The following ZDHHC21 variants were observed in gnomAD, a reference collection of about 807,000 sequenced individuals.
ZDHHC21 encodes the protein zDHHC palmitoyltransferase 21, also known as palmitoyltransferase ZDHHC21.
A neutral mutation model predicts 34.6 loss-of-function variants in ZDHHC21; 15 were observed. The ratio of observed to expected loss-of-function variants is 0.43; its 90% confidence interval spans 0.29 to 0.67. The LOEUF (loss-of-function observed/expected upper bound fraction) is 0.67, where lower values mean the gene tolerates loss of function less well. Among genes scored for constraint, ZDHHC21 ranks in the 30% least tolerant of loss-of-function variants. The probability of loss-of-function intolerance (pLI) is 0.14; values close to 1 mark genes in which losing one functional copy is unlikely to be tolerated. For synonymous variants in ZDHHC21, 142 were observed against 101.8 expected, an observed-to-expected ratio of 1.40 and a Z score of -2.38; for missense variants, 344 against 327.7, an observed-to-expected ratio of 1.05 and a Z score of -0.38.
intron 7 of ZDHHC21, among the ~76,000 whole-genome samples, chr9:14,651,081 T>G (rs1304918960): frequency 6.6e-5 from 10 of 151,936 alleles, no homozygotes; most frequent in African/African-American, 2.4e-4. Context: ...ATTATTTTTT[T>G]AAAAACCTTG....
chr9:14,639,840 A>G (rs1221176196), intron 8 of ZDHHC21, 56 bp downstream of exon 8: 2 of 1,037,280 alleles, frequency 1.9e-6, no homozygotes, highest in Non-Finnish European at 2.7e-6. Context: ...TGAGAATTAC[A>G]TTCATAATTA....
chr9:14,657,987 A>T (rs17287927), intron 7 of ZDHHC21, among the ~76,000 whole-genome samples: 9,258 of 152,234 alleles, frequency 0.061, 336 homozygotes, highest in Admixed American at 0.12. Flanking sequence ...TAGTCCTAGC[A>T]TGCATTATAT....
intron 7 of ZDHHC21, among the ~76,000 whole-genome samples, chr9:14,658,314 A>G (rs1030957154): frequency 4.0e-5 from 6 of 151,458 alleles, no homozygotes; most frequent in African/African-American, 1.2e-4. Flanking sequence ...CAATCCCAAT[A>G]TAGTTCAAAA....
At chr9:14,652,321 A>AT (rs1831378644) in intron 7 of ZDHHC21, among the ~76,000 whole-genome samples, 1 of 151,898 alleles carries the variant, frequency 6.6e-6, no homozygotes, top group Non-Finnish European at 1.5e-5. Context: ...ATATAAATCA[A>AT]TATCTATAGC....
the ZDHHC21 span, among the ~76,000 whole-genome samples, chr9:14,602,485 T>G: frequency 6.6e-6 from 1 of 151,354 alleles, no homozygotes; most frequent in Middle Eastern, 3.2e-3. Context: ...CAAAGTGCAG[T>G]GATTCCCAAG....
intron 7 of ZDHHC21, among the ~76,000 whole-genome samples, chr9:14,653,732 T>C (rs1831670779): frequency 6.6e-6 from 1 of 152,020 alleles, no homozygotes; most frequent in Non-Finnish European, 1.5e-5. Flanking sequence ...TAGACTATGA[T>C]GTGAGTGTTG....
rs944512845 is a variant in ZDHHC21 at position 14,611,877 on chromosome 9, T to A, written c.*7089A>T. On this transcript the variant is annotated 3_prime_UTR_variant, in exon 10 of 10. Transcript: ENST00000380916. ...TTACTTTTGTATCATTTAGTTGCTT[T>A]ATTCTTACATATATGAAGTAGAATT... 2 of 152,058 alleles carry A rather than the reference T, an allele frequency of 1.3e-5. No individual in the cohort carries two copies. The highest frequency in any genetic ancestry group is 2.9e-5 in the Non-Finnish European group (2 of 67,962). The allele number at this position is 152,058 out of a possible 1,614,324, so 9.4% of individuals were successfully genotyped here. A position where few individuals can be genotyped will look rare whatever the true frequency, so the allele number is the denominator to read the frequency against.
chr9:14,658,122 C>A (rs1303312991), intron 7 of ZDHHC21, among the ~76,000 whole-genome samples: 2 of 152,086 alleles, frequency 1.3e-5, no homozygotes, highest in African/African-American at 2.4e-5. Flanking sequence ...AAATTACATT[C>A]TGCATTTTTA....
At chr9:14,642,153 G>A (rs577864323) in intron 7 of ZDHHC21, among the ~76,000 whole-genome samples, 1 of 152,030 alleles carries the variant, frequency 6.6e-6, no homozygotes, top group East Asian at 1.9e-4. Context: ...TATATTTAAA[G>A]TATTTATGTA....
intron 5 of ZDHHC21, among the ~76,000 whole-genome samples, chr9:14,665,718 T>C (rs1243426604): frequency 1.4e-5 from 2 of 142,656 alleles, no homozygotes; most frequent in African/African-American, 5.2e-5. Context: ...AAAAGAATTT[T>C]CAACCCAGAA....
downstream of ZDHHC21, among the ~76,000 whole-genome samples, chr9:14,606,969 A>T (rs1112968): frequency 0.54 from 81,256 of 151,652 alleles, 22,061 homozygotes; most frequent in South Asian, 0.68. Context: ...ATTAAAAATA[A>T]GTACATCCTC....
chr9:14,651,102 T>C (rs1383595576), intron 7 of ZDHHC21, among the ~76,000 whole-genome samples: 1 of 151,896 alleles, frequency 6.6e-6, no homozygotes, highest in Non-Finnish European at 1.5e-5. Context: ...TATTTTCTCA[T>C]GTAGAGAAAT....
intron 3 of ZDHHC21, among the ~76,000 whole-genome samples, chr9:14,678,535 G>A (rs905846728): frequency 1.3e-5 from 2 of 151,994 alleles, no homozygotes; most frequent in African/African-American, 2.4e-5. Context: ...AATGTTAAGA[G>A]GGCACAGAAA....
chr9:14,595,456 A>C, the ZDHHC21 span, among the ~76,000 whole-genome samples: 1 of 152,210 alleles, frequency 6.6e-6, no homozygotes, highest in East Asian at 1.9e-4. Flanking sequence ...TGCCTAGAAA[A>C]ATCAAATCTA....
chr9:14,687,830 T>C (rs1430258202), intron 2 of ZDHHC21, among the ~76,000 whole-genome samples: 1 of 151,008 alleles, frequency 6.6e-6, no homozygotes, highest in African/African-American at 2.5e-5. Context: ...ATTTACAAGC[T>C]AAGTTTTCAA....
At chr9:14,593,310 A>G in the ZDHHC21 span, among the ~76,000 whole-genome samples, 1 of 152,210 alleles carries the variant, frequency 6.6e-6, no homozygotes. Flanking sequence ...GAAAGAGAGG[A>G]CATCACTACT....
At chr9:14,592,585 C>T in the ZDHHC21 span, among the ~76,000 whole-genome samples, 53 of 152,144 alleles carry the variant, frequency 3.5e-4, no homozygotes, top group Admixed American at 3.5e-3. Flanking sequence ...TTTCAATACC[C>T]CATTCTCAAT....
At chr9:14,680,636 T>TA (rs1205355481) in intron 2 of ZDHHC21, among the ~76,000 whole-genome samples, 2 of 152,122 alleles carry the variant, frequency 1.3e-5, no homozygotes, top group Non-Finnish European at 2.9e-5. Flanking sequence ...AATTCAAGCT[T>TA]AAAAAAACAT....
At chr9:14,594,529 C>T in the ZDHHC21 span, among the ~76,000 whole-genome samples, 1 of 152,022 alleles carries the variant, frequency 6.6e-6, no homozygotes, top group Non-Finnish European at 1.5e-5. Flanking sequence ...AAACTTAGAC[C>T]CTCACTTCAC....
Sources: gnomAD v4.1 joint callset for allele counts (sites outside exome capture counted in the v4.1 genomes callset) on GRCh38, gnomAD v4.1.1 for gene constraint, MANE v1.5 for transcripts, NCBI Gene and HGNC (gene_info 2026-07-23, HGNC 2026-07-21) for gene names.